Variants in TMEM178A observed in about 807,000 individuals in gnomAD.
TMEM178A encodes the protein transmembrane protein 178A, also known as transmembrane protein 178.
In TMEM178A, 12 loss-of-function variants were observed where a neutral mutation model predicts 29.1. The observed-to-expected ratio is 0.41, with a 90% CI of 0.26 to 0.67. The LOEUF (loss-of-function observed/expected upper bound fraction) is 0.67. TMEM178A is among the 30% of genes least tolerant of loss of function. TMEM178A has a pLI of 0.29. For synonymous variants in TMEM178A, 210 were observed against 187.2 expected, an observed-to-expected ratio of 1.12 and a Z score of -0.99; for missense variants, 366 against 419.1, an observed-to-expected ratio of 0.87 and a Z score of 1.11.
the TMEM178A span, among the ~76,000 whole-genome samples, chr2:39,734,910 G>C: frequency 1.3e-5 from 2 of 152,114 alleles, no homozygotes; most frequent in Non-Finnish European, 2.9e-5. Context: ...AATACATCCA[G>C]AATCCATGTG....
chr2:39,731,607 T>C, the TMEM178A span, among the ~76,000 whole-genome samples: 24 of 152,212 alleles, frequency 1.6e-4, no homozygotes, highest in Admixed American at 1.6e-3. Context: ...GAGGGATATC[T>C]ACCGACATGA....
At chr2:39,671,801 G>A (rs1303338273) in intron 1 of TMEM178A, among the ~76,000 whole-genome samples, 1 of 152,198 alleles carries the variant, frequency 6.6e-6, no homozygotes, top group Non-Finnish European at 1.5e-5. Context: ...GCACTCTCAA[G>A]ACTGCTTCTC....
At chr2:39,689,189 T>G (rs1671210475) in intron 1 of TMEM178A, among the ~76,000 whole-genome samples, 1 of 152,192 alleles carries the variant, frequency 6.6e-6, no homozygotes, top group African/African-American at 2.4e-5. Flanking sequence ...ATATTGTTTT[T>G]AAGGATAATT....
At position 39,704,144 on chromosome 2, in the gene TMEM178A, T is replaced by A. The variant is rs1671924909; in HGVS notation, c.464T>A (p.Ile155Asn). 6.2e-7 allele frequency: 1 copy of A among 1,614,182 alleles called. No homozygotes were observed. The highest frequency in any genetic ancestry group is 2.2e-5 in the East Asian group (1 of 44,876). ...TCTCAGCCCATCCGCTTGCGAAACA[T>A]TCCTTTTAATTTAACCAAGACCATA... ...HFSQPIRLRN[I>N]PFNLTKTIQQ... The change falls in exon 2 of 4, where the codon ATT becomes AAT. Residue 155 changes from isoleucine (I) to asparagine (N), a missense_variant. Coordinates refer to ENST00000281961, the MANE Select transcript of TMEM178A (RefSeq NM_152390.3).
the TMEM178A span, among the ~76,000 whole-genome samples, chr2:39,731,197 T>G: frequency 1.3e-5 from 2 of 152,210 alleles, no homozygotes; most frequent in Non-Finnish European, 2.9e-5. Flanking sequence ...ACAGAGTAAA[T>G]AGTTATTCCA....
the TMEM178A span, among the ~76,000 whole-genome samples, chr2:39,725,404 G>A: frequency 6.6e-6 from 1 of 152,306 alleles, no homozygotes; most frequent in South Asian, 2.1e-4. Context: ...TAACGATTGA[G>A]GAGCTGGTTC....
chr2:39,707,705 A>G (rs1197993072), intron 3 of TMEM178A, among the ~76,000 whole-genome samples: 1 of 152,148 alleles, frequency 6.6e-6, no homozygotes, highest in African/African-American at 2.4e-5. Context: ...ACCTCAGGTG[A>G]TCTGCCTGCC....
the TMEM178A span, among the ~76,000 whole-genome samples, chr2:39,725,898 C>T: frequency 6.6e-6 from 1 of 152,168 alleles, no homozygotes; most frequent in Non-Finnish European, 1.5e-5. Flanking sequence ...AACAAAGACA[C>T]ATGTGGTCAA....
the TMEM178A span, among the ~76,000 whole-genome samples, chr2:39,724,709 G>A: frequency 6.6e-6 from 1 of 152,164 alleles, no homozygotes. Flanking sequence ...GGAGGCATAT[G>A]GAAACTATAA....
At position 39,717,344 on chromosome 2, in the gene TMEM178A, C is replaced by A; in HGVS notation, c.*93C>A. On this transcript the variant is annotated 3_prime_UTR_variant, in exon 4 of 4. Coordinates refer to ENST00000281961, the MANE Select transcript of TMEM178A (RefSeq NM_152390.3). ...CAAGCACAAAGCGGTCTTTTACATT[C>A]CAACCTGTTGCCTGCCAGCCCTTTC... 1 of 1,491,224 alleles carries A rather than the reference C, an allele frequency of 6.7e-7. No individual in the cohort carries two copies. The highest frequency in any genetic ancestry group is 9.0e-7 in the Non-Finnish European group (1 of 1,116,608). The allele number at this position is 1,491,224 out of a possible 1,614,324, so 92.4% of individuals were successfully genotyped here. A position where few individuals can be genotyped will look rare whatever the true frequency, so the allele number is the denominator to read the frequency against.
At chr2:39,666,671 G>A (rs984125589) in intron 1 of TMEM178A, among the ~76,000 whole-genome samples, 1 of 151,928 alleles carries the variant, frequency 6.6e-6, no homozygotes, top group East Asian at 1.9e-4. Flanking sequence ...CCATTCCCCG[G>A]TTCTCTCTCT....
At chr2:39,705,170 G>T (rs1414184408) in intron 2 of TMEM178A, among the ~76,000 whole-genome samples, 3 of 152,188 alleles carry the variant, frequency 2.0e-5, no homozygotes, top group African/African-American at 7.2e-5. Flanking sequence ...TTAATAGTTT[G>T]TACCTTGTGA....
the TMEM178A span, among the ~76,000 whole-genome samples, chr2:39,733,123 G>A: frequency 9.2e-5 from 14 of 152,188 alleles, no homozygotes; most frequent in Non-Finnish European, 1.8e-4. Flanking sequence ...GTAAGTTACC[G>A]GATGGTTTGT....
In TMEM178A at chr2:39,717,590, C is replaced by A; in HGVS notation, c.*339C>A. 1 of 196,042 alleles carries A rather than the reference C, an allele frequency of 5.1e-6. No homozygotes were observed. Among genetic ancestry groups the A allele is most frequent in the Non-Finnish European group, 1.0e-5 (1 of 95,482 alleles). 12.1% of individuals were successfully genotyped at this position (196,042 alleles called of 1,614,324 possible). On this transcript the variant is annotated 3_prime_UTR_variant, in exon 4 of 4. Coordinates refer to ENST00000281961, the MANE Select transcript of TMEM178A (RefSeq NM_152390.3). ...TTGTATGTAACAATTACCCGAGAGT[C>A]ATTTCTACTTGCAAAAGGATTCGTA...
the TMEM178A span, among the ~76,000 whole-genome samples, chr2:39,729,133 A>T: frequency 6.6e-6 from 1 of 152,186 alleles, no homozygotes; most frequent in Non-Finnish European, 1.5e-5. Flanking sequence ...AAATTAATCT[A>T]GGGGACTACA....
intron 3 of TMEM178A, among the ~76,000 whole-genome samples, chr2:39,713,181 G>T (rs1031380915): frequency 6.6e-6 from 1 of 152,190 alleles, no homozygotes; most frequent in Non-Finnish European, 1.5e-5. Flanking sequence ...GAGTCCAATT[G>T]TGACCAAGAA....
At chr2:39,670,662 A>C (rs1424274527) in intron 1 of TMEM178A, among the ~76,000 whole-genome samples, 2 of 152,250 alleles carry the variant, frequency 1.3e-5, no homozygotes, top group African/African-American at 4.8e-5. Context: ...AAGCAGACTC[A>C]GTTGGAAACA....
At chr2:39,700,316 A>T (rs994129876) in intron 1 of TMEM178A, among the ~76,000 whole-genome samples, 1 of 152,034 alleles carries the variant, frequency 6.6e-6, no homozygotes, top group Admixed American at 6.6e-5. Context: ...TCTCCCTTCA[A>T]TTCTGTCAGT....
intron 1 of TMEM178A, among the ~76,000 whole-genome samples, chr2:39,686,695 C>T (rs536369982): frequency 5.3e-5 from 7 of 131,300 alleles, no homozygotes; most frequent in African/African-American, 2.0e-4. Context: ...GATGGGGGGG[C>T]GGAGCTGTAA....
Sources: gnomAD v4.1 joint callset for allele counts (sites outside exome capture counted in the v4.1 genomes callset) on GRCh38, gnomAD v4.1.1 for gene constraint, MANE v1.5 for transcripts, NCBI Gene and HGNC (gene_info 2026-07-23, HGNC 2026-07-21) for gene names.